IQCH: variants seen among roughly 807,000 people sequenced by gnomAD.
IQCH encodes the protein IQ motif containing H.
IQCH carries 98 observed loss-of-function variants against 117.0 expected under a neutral mutation model. The observed-to-expected ratio is 0.84, with a 90% confidence interval of 0.71 to 0.99. The LOEUF (loss-of-function observed/expected upper bound fraction) is 0.99. Ranked by LOEUF, IQCH falls within the 50% of genes least tolerant of loss-of-function variation. The pLI is 0.00. For missense variants in IQCH, 1,102 were observed against 1,243.8 expected (o/e 0.89, Z 1.72); for synonymous variants, 412 against 448.2 (o/e 0.92, Z 1.02).
chr15:67,441,994 G>A (rs2082279485), intron 16 of IQCH, among the ~76,000 whole-genome samples: 1 of 152,114 alleles, frequency 6.6e-6, no homozygotes, highest in South Asian at 2.1e-4. Flanking sequence ...TCTGACAAAG[G>A]ACTAATATCC....
intron 20 of IQCH, among the ~76,000 whole-genome samples, chr15:67,498,628 A>ATT (rs55839950): frequency 6.7e-6 from 1 of 148,776 alleles, no homozygotes. Flanking sequence ...AAAAAAAAAA[A>ATT]TAAGTTAAAA....
chr15:67,341,277 C>G (rs1332934421), intron 5 of IQCH, among the ~76,000 whole-genome samples: 1 of 152,004 alleles, frequency 6.6e-6, no homozygotes, highest in Admixed American at 6.6e-5. Flanking sequence ...GCTTACCAGT[C>G]CAGATATCAA....
Position 67,473,701 on chromosome 15 carries a change from G to A in IQCH, c.2677-1995G>A, listed in dbSNP as rs1289940879. 2.0e-5 allele frequency among the ~76,000 whole-genome samples: 3 copies of A among 152,276 alleles called. No homozygotes were observed. The highest frequency in any genetic ancestry group is 2.1e-4 in the South Asian group (1 of 4,822). ...ACTGGAGATTCAGAAACCAAACAGC[G>A]CCTGCCCTCAGAAAACTCCCAGTCA... is the stretch of plus-strand genomic sequence containing the variant. On this transcript the variant is annotated intron_variant, in intron 17 of 20. Coordinates refer to ENST00000335894, the MANE Select transcript of IQCH (RefSeq NM_001031715.3). The surrounding 1 kb of genome is among the most constrained non-coding windows in gnomAD (Gnocchi z 4.9).
At chr15:67,415,146 C>G (rs983346636) in intron 14 of IQCH, among the ~76,000 whole-genome samples, 1 of 152,190 alleles carries the variant, frequency 6.6e-6, no homozygotes, top group Middle Eastern at 3.2e-3. Flanking sequence ...GTTGCTGGAG[C>G]TGTGCATTTC....
In IQCH at chr15:67,319,390, G is replaced by A. The variant is rs556720820; in HGVS notation, c.388-17585G>A. ...GGGGCAAATCACTTATATTTCATGGGCTTTAGTGTGTTTATTTGCCAATTT... is the reference window on the plus strand; with the variant it reads ...GGGGCAAATCACTTATATTTCATGGACTTTAGTGTGTTTATTTGCCAATTT... On this transcript the variant is annotated intron_variant, in intron 4 of 20. Coordinates refer to ENST00000335894, the MANE Select transcript of IQCH (RefSeq NM_001031715.3). Among the ~76,000 whole-genome samples, 6 of 152,226 alleles carry A rather than the reference G, an allele frequency of 3.9e-5. 1 individual carries two copies. The South Asian group carries it at 1.2e-3, about 32-fold the overall frequency.
At chr15:67,322,596 C>T (rs780010294) in intron 4 of IQCH, among the ~76,000 whole-genome samples, 1 of 152,180 alleles carries the variant, frequency 6.6e-6, no homozygotes, top group African/African-American at 2.4e-5. Context: ...AGCCCTGGGC[C>T]CTGACGCTGG....
intron 4 of IQCH, among the ~76,000 whole-genome samples, chr15:67,301,717 T>C (rs1198225665): frequency 6.6e-6 from 1 of 152,110 alleles, no homozygotes; most frequent in African/African-American, 2.4e-5. Context: ...TATGATTATG[T>C]GAATATTCTT....
In IQCH at chr15:67,297,025, A is replaced by G. The variant is rs142283522; in HGVS notation, c.387+17513A>G. Reference sequence around the variant, plus strand: ...AACGGATTGGCCACATCTGAATAGAAGTAGGTAAGCCTTTAGGTTTTGTGA... The same window carrying G: ...AACGGATTGGCCACATCTGAATAGAGGTAGGTAAGCCTTTAGGTTTTGTGA... On this transcript the variant is annotated intron_variant, in intron 4 of 20. Transcript: ENST00000335894. Among the ~76,000 whole-genome samples, 4 of 152,220 alleles carry G rather than the reference A, an allele frequency of 2.6e-5. No homozygotes were observed. The East Asian group carries it at 7.7e-4, about 29-fold the overall frequency.
Position 67,342,420 on chromosome 15 carries a change from G to A in IQCH, c.509-1643G>A, listed in dbSNP as rs1453064015. Among the ~76,000 whole-genome samples, 1 of 152,036 alleles carries A rather than the reference G, an allele frequency of 6.6e-6. No individual in the cohort carries two copies. The highest frequency in any genetic ancestry group is 1.5e-5 in the Non-Finnish European group (1 of 68,018). On this transcript the variant is annotated intron_variant, in intron 5 of 20. Coordinates refer to ENST00000335894, the MANE Select transcript of IQCH (RefSeq NM_001031715.3). This position sits in a 1 kb window ranked among gnomAD's most constrained non-coding sequence, Gnocchi z 4.7. ...ATTTTTTCCTTCCAATAGTAGATGG[G>A]CACACATATGTGTTTGTCTGAAATT... is the stretch of plus-strand genomic sequence containing the variant.
intron 4 of IQCH, among the ~76,000 whole-genome samples, chr15:67,308,936 A>G (rs965871251): frequency 6.6e-6 from 1 of 152,052 alleles, no homozygotes; most frequent in African/African-American, 2.4e-5. Flanking sequence ...TTATAGTGGT[A>G]TGTTTCTTGA....
At chr15:67,346,058 G>A (rs1296450006) in intron 6 of IQCH, among the ~76,000 whole-genome samples, 1 of 151,820 alleles carries the variant, frequency 6.6e-6, no homozygotes, top group Non-Finnish European at 1.5e-5. Flanking sequence ...ATAAAAAGGA[G>A]AAAGATGGAA....
rs1039996071 is a variant in IQCH at position 67,422,818 on chromosome 15, G to A, written c.2505+1241G>A. 3.9e-5 allele frequency among the ~76,000 whole-genome samples: 6 copies of A among 152,240 alleles called. No individual in the cohort carries two copies. The highest frequency in any genetic ancestry group is 6.5e-5 in the Admixed American group (1 of 15,294). ...AGTTCACTACTATTTCACAGGACTC[G>A]TGTTTTAAAATGTCCGGTTGCTCCT... On this transcript the variant is annotated intron_variant, in intron 16 of 20. Transcript: ENST00000335894. The surrounding 1 kb of genome is among the most constrained non-coding windows in gnomAD (Gnocchi z 4.7).
intron 1 of IQCH, among the ~76,000 whole-genome samples, chr15:67,259,380 A>G (rs1965364823): frequency 6.6e-6 from 1 of 152,214 alleles, no homozygotes; most frequent in African/African-American, 2.4e-5. Flanking sequence ...CAACAGTTTT[A>G]AGTAGGGTAA....
intron 16 of IQCH, among the ~76,000 whole-genome samples, chr15:67,439,937 C>A (rs1309619924): frequency 6.7e-6 from 1 of 150,234 alleles, no homozygotes; most frequent in Non-Finnish European, 1.5e-5. Context: ...AAAACTGGTT[C>A]TTTGAAAAGA....
At chr15:67,482,903 T>G (rs1333506686) in intron 18 of IQCH, among the ~76,000 whole-genome samples, 1 of 152,174 alleles carries the variant, frequency 6.6e-6, no homozygotes, top group Non-Finnish European at 1.5e-5. Context: ...TTGTTAACAT[T>G]GAGGTTTACT....
rs1970934845 is a variant in IQCH, at chr15:67,381,718, T to C, written c.1373-3218T>C. Among the ~76,000 whole-genome samples the C allele has an allele frequency of 6.6e-6, 1 of 152,160 alleles. No homozygotes were observed. Among genetic ancestry groups the C allele is most frequent in the Admixed American group, 6.5e-5 (1 of 15,274 alleles). On this transcript the variant is annotated intron_variant, in intron 10 of 20. Coordinates refer to ENST00000335894, the MANE Select transcript of IQCH (RefSeq NM_001031715.3). The surrounding 1 kb of genome is among the most constrained non-coding windows in gnomAD (Gnocchi z 5.1). ...AAGACAGGCCGGACATGGTGGCTCATGCCTATAATACCAGCACTTTGGGAG... is the reference window on the plus strand; with the variant it reads ...AAGACAGGCCGGACATGGTGGCTCACGCCTATAATACCAGCACTTTGGGAG...
intron 16 of IQCH, among the ~76,000 whole-genome samples, chr15:67,441,122 CAAAAAAAAAAAAAAAAAAAA>C (rs200254535): frequency 1.9e-5 from 1 of 53,974 alleles, no homozygotes; most frequent in Non-Finnish European, 3.7e-5. Flanking sequence ...GCAATAGCTG[CAAAAAAAAAAAAAAAAAAAA>C]AAAAAAAAAA....
intron 10 of IQCH, among the ~76,000 whole-genome samples, chr15:67,375,243 A>G (rs941126278): frequency 2.6e-5 from 4 of 152,192 alleles, no homozygotes; most frequent in Non-Finnish European, 5.9e-5. Flanking sequence ...AGGCTGAACA[A>G]CATAGTGAGA....
chr15:67,357,424 AT>A lies in IQCH; in HGVS notation c.714+6del. The A allele has an allele frequency of 6.4e-7, 1 of 1,562,904 alleles. No individual in the cohort carries two copies. Among genetic ancestry groups the A allele is most frequent in the Non-Finnish European group, 8.8e-7 (1 of 1,133,180 alleles). On this transcript the variant is annotated splice_donor_region_variant and intron_variant, in intron 7 of 20. Coordinates refer to ENST00000335894, the MANE Select transcript of IQCH (RefSeq NM_001031715.3). ...TTCCCAAGAAACAAAGATCAAAGGT[AT>A]TTATATTCCTCACTATAGAAAGAAA...
Sources: allele counts gnomAD v4.1 joint callset (sites outside exome capture counted in the v4.1 genomes callset), GRCh38; gene constraint gnomAD v4.1.1; non-coding constraint Gnocchi (gnomAD v3.1); transcripts MANE v1.5; gene names NCBI Gene and HGNC (gene_info 2026-07-23, HGNC 2026-07-21).